Variants in PUS10 observed in about 807,000 individuals in gnomAD.
The protein encoded by PUS10 is tRNA pseudouridine synthase Pus10.
A neutral mutation model predicts 75.0 loss-of-function variants in PUS10; 59 were observed. That is an observed-to-expected ratio of 0.79 (90% CI 0.64 to 0.98). The LOEUF (loss-of-function observed/expected upper bound fraction) is 0.98. Among genes scored for constraint, PUS10 ranks in the 50% least tolerant of loss-of-function variants. The pLI, the probability that PUS10 is intolerant of heterozygous loss-of-function variation, is 0.00. For missense variants in PUS10, 650 were observed against 614.4 expected, an observed-to-expected ratio of 1.06 and a Z score of -0.61; for synonymous variants, 219 against 211.6, an observed-to-expected ratio of 1.03 and a Z score of -0.30.
intron 4 of PUS10, among the ~76,000 whole-genome samples, chr2:60,978,729 G>A (rs1320114646): frequency 3.3e-5 from 5 of 152,164 alleles, no homozygotes; most frequent in Admixed American, 3.3e-4. Context: ...TGCCCACTCT[G>A]GTTGCATTGT....
intron 8 of PUS10, among the ~76,000 whole-genome samples, chr2:60,964,483 A>AACATGTC (rs1399495179): frequency 6.6e-6 from 1 of 152,196 alleles, no homozygotes; most frequent in African/African-American, 2.4e-5. Flanking sequence ...GATACGAGCT[A>AACATGTC]AGAGTGTATG....
chr2:60,972,042 T>G (rs1363195652), intron 4 of PUS10, among the ~76,000 whole-genome samples: 1 of 150,150 alleles, frequency 6.7e-6, no homozygotes, highest in Non-Finnish European at 1.5e-5. Flanking sequence ...GGCTAACTTG[T>G]GTTTTTAGTA....
At chr2:60,982,871 C>A (rs1233904810) in intron 4 of PUS10, among the ~76,000 whole-genome samples, 1 of 151,650 alleles carries the variant, frequency 6.6e-6, no homozygotes, top group Non-Finnish European at 1.5e-5. Flanking sequence ...TTTCTGACAC[C>A]CAGGCTGGAG....
chr2:60,955,048 C>A lies in PUS10; in HGVS notation c.1027G>T (p.Glu343Ter). The change falls in exon 12 of 18, where the codon GAA (glutamate) becomes TAA (stop). Residue 343 changes from glutamate to a stop codon, truncating the protein, a stop_gained. Coordinates refer to ENST00000316752, the MANE Select transcript of PUS10 (RefSeq NM_144709.4). LOFTEE classifies it high-confidence loss of function. ...CCTAATGTTCTCACATCTACATCTT[C>A]TCTTCCAGAGGATGAAAAATTAAAA... ...ESFNFSSSGR[E>*]DVDVRTLGNG... 1 of 1,597,128 alleles carries A rather than the reference C, an allele frequency of 6.3e-7. No homozygotes were observed. The highest frequency in any genetic ancestry group is 8.5e-7 in the Non-Finnish European group (1 of 1,171,968).
rs373067003 is a variant in PUS10, at chr2:60,962,605, T to TA, written c.788+220dup. ...AATAAATAAATAAATAAGTATTTTTTAAAAAAAAAAGACGTTAGACTTGAT... is the reference window on the plus strand; with the variant it reads ...AATAAATAAATAAATAAGTATTTTTTAAAAAAAAAAAGACGTTAGACTTGAT... On this transcript the variant is annotated intron_variant, in intron 9 of 17. Transcript: ENST00000316752. Among the ~76,000 whole-genome samples the TA allele has an allele frequency of 9.4e-4, 141 of 150,642 alleles. 2 individuals carry two copies. In the South Asian group the frequency reaches 0.013, roughly 14 times the overall value.
Position 60,941,199 on chromosome 2 carries a change from T to G in PUS10, c.*1196A>C, listed in dbSNP as rs1674611209. 1 of 152,336 alleles carries G rather than the reference T, an allele frequency of 6.6e-6. No homozygotes were observed. Among genetic ancestry groups the G allele is most frequent in the South Asian group, 2.1e-4 (1 of 4,832 alleles). 9.4% of individuals were successfully genotyped at this position (152,336 alleles called of 1,614,324 possible). ...TTTTTTTAGGTTTAGCTTAATGTTT[T>G]TCCTCTTCATAATACCAACTGAGGT... On this transcript the variant is annotated 3_prime_UTR_variant, in exon 18 of 18. Coordinates refer to ENST00000316752, the MANE Select transcript of PUS10 (RefSeq NM_144709.4).
chr2:60,998,707 A>C (rs1678647545), intron 4 of PUS10: 1 of 151,472 alleles, frequency 6.6e-6, no homozygotes, highest in Non-Finnish European at 1.5e-5. Flanking sequence ...AAAAAAGAAG[A>C]CAATTTCTTA....
At chr2:60,957,524 A>T (rs1675755283) in intron 11 of PUS10, among the ~76,000 whole-genome samples, 1 of 152,242 alleles carries the variant, frequency 6.6e-6, no homozygotes, top group African/African-American at 2.4e-5. Context: ...ACGGTGCTGT[A>T]CCTTTATCCC....
intron 4 of PUS10, among the ~76,000 whole-genome samples, chr2:60,997,144 T>A (rs868656662): frequency 6.6e-6 from 1 of 152,176 alleles, no homozygotes; most frequent in African/African-American, 2.4e-5. Context: ...ATAGAGTGGA[T>A]TGCTGCATGA....
intron 4 of PUS10, among the ~76,000 whole-genome samples, chr2:61,003,460 TCA>T (rs1553416596): frequency 8.0e-6 from 1 of 124,942 alleles, no homozygotes. Flanking sequence ...AGACCCTGTC[TCA>T]AAAAAAAAAA....
intron 4 of PUS10, among the ~76,000 whole-genome samples, chr2:60,977,966 T>C (rs1268018041): frequency 6.6e-6 from 1 of 152,122 alleles, no homozygotes; most frequent in African/African-American, 2.4e-5. Context: ...AAAACGATAA[T>C]AAACATTAAG....
intron 4 of PUS10, among the ~76,000 whole-genome samples, chr2:61,004,401 G>A (rs760183487): frequency 1.1e-4 from 17 of 152,138 alleles, no homozygotes; most frequent in Non-Finnish European, 2.1e-4. Context: ...AAGGCGGGCA[G>A]ATCATGAGGT....
chr2:61,004,628 C>CAAAAAAAAAAAAAAAAAAAAAAAAAAA (rs70959883), intron 4 of PUS10, among the ~76,000 whole-genome samples: 1 of 67,284 alleles, frequency 1.5e-5, no homozygotes, highest in Admixed American at 1.9e-4. Flanking sequence ...GACTCCGTCT[C>CAAAAAAAAAAAAAAAAAAAAAAAAAAA]AAAAAAAAAA....
chr2:60,984,872 A>ATGTATATGT (rs1677620580), intron 4 of PUS10, among the ~76,000 whole-genome samples: 1 of 152,210 alleles, frequency 6.6e-6, no homozygotes, highest in Admixed American at 6.5e-5. Flanking sequence ...GGTATACGTT[A>ATGTATATGT]ATATGTATAT....
At chr2:61,011,264 T>C (rs1679579517) in intron 2 of PUS10, among the ~76,000 whole-genome samples, 1 of 152,170 alleles carries the variant, frequency 6.6e-6, no homozygotes, top group African/African-American at 2.4e-5. Flanking sequence ...ATGTCAAAGA[T>C]CTCTGTATAT....
chr2:60,949,566 G>GT (rs946605882), intron 15 of PUS10, among the ~76,000 whole-genome samples: 328 of 144,018 alleles, frequency 2.3e-3, no homozygotes, highest in South Asian at 7.9e-3. Context: ...GCTTGTTTTT[G>GT]TTTTTTTTTT....
At chr2:60,995,202 G>A (rs4505507) in intron 4 of PUS10, among the ~76,000 whole-genome samples, 1,524 of 152,288 alleles carry the variant, frequency 0.01, 15 homozygotes, top group Non-Finnish European at 0.016. Flanking sequence ...AAATGGAGAT[G>A]ATAACACCAC....
chr2:60,945,603 A>G (rs559022009), intron 16 of PUS10, among the ~76,000 whole-genome samples: 1 of 152,316 alleles, frequency 6.6e-6, no homozygotes, highest in South Asian at 2.1e-4. Context: ...TAATGAGACT[A>G]TTAGTTTAGT....
intron 4 of PUS10, among the ~76,000 whole-genome samples, chr2:60,992,115 G>A (rs973928789): frequency 2.6e-5 from 4 of 151,624 alleles, no homozygotes; most frequent in Middle Eastern, 3.2e-3. Context: ...GGGTTCAAGC[G>A]ATTCTCCTGC....
Sources: gnomAD v4.1 joint callset for allele counts (sites outside exome capture counted in the v4.1 genomes callset) on GRCh38, gnomAD v4.1.1 for gene constraint, MANE v1.5 for transcripts, NCBI Gene and HGNC (gene_info 2026-07-23, HGNC 2026-07-21) for gene names.